Variants in STK3 observed in about 807,000 individuals in gnomAD.
STK3 encodes the protein serine/threonine-protein kinase 3.
A neutral mutation model predicts 58.0 loss-of-function variants in STK3; 41 were observed. The ratio of observed to expected loss-of-function variants is 0.71; its 90% CI spans 0.55 to 0.92. STK3 has a LOEUF of 0.92. Ranked by LOEUF, STK3 falls within the 40% of genes least tolerant of loss-of-function variation. STK3 has a pLI of 0.00. For missense variants in STK3, 479 were observed against 602.7 expected (o/e 0.79, Z 2.15); for synonymous variants, 170 against 191.0 (o/e 0.89, Z 0.91).
intron 6 of STK3, among the ~76,000 whole-genome samples, chr8:98,617,056 T>C (rs1164037708): frequency 2.0e-5 from 3 of 151,358 alleles, no homozygotes; most frequent in Non-Finnish European, 4.4e-5. Context: ...GACCACATAG[T>C]TGGAAGTAAA....
chr8:98,756,416 A>C (rs967849211), intron 3 of STK3, among the ~76,000 whole-genome samples: 5 of 152,236 alleles, frequency 3.3e-5, no homozygotes, highest in Non-Finnish European at 7.3e-5. Context: ...ACAGTAGAAC[A>C]TAATGGAGTT....
intron 4 of STK3, among the ~76,000 whole-genome samples, chr8:98,710,751 C>T (rs144296380): frequency 5.7e-4 from 87 of 152,362 alleles, no homozygotes; most frequent in African/African-American, 2.0e-3. Context: ...GAAACGTCTG[C>T]AGACTTAAAT....
intron 3 of STK3, among the ~76,000 whole-genome samples, chr8:98,395,031 G>A (rs1176182858): frequency 1.3e-5 from 2 of 152,224 alleles, no homozygotes; most frequent in Non-Finnish European, 2.9e-5. Flanking sequence ...AAGCCACAGG[G>A]TGGTGGTGTC....
chr8:98,404,470 G>T (rs1817974241), intron 3 of STK3, among the ~76,000 whole-genome samples: 2 of 152,224 alleles, frequency 1.3e-5, no homozygotes, highest in Non-Finnish European at 2.9e-5. Context: ...CACGAGGTCA[G>T]GAGATCGAGA....
At chr8:98,891,492 T>C (rs967712402) in intron 1 of STK3, among the ~76,000 whole-genome samples, 1 of 152,176 alleles carries the variant, frequency 6.6e-6, no homozygotes, top group Non-Finnish European at 1.5e-5. Context: ...TGTATAACAT[T>C]TAAATATCCA....
chr8:98,588,765 A>G (rs1183331975), intron 7 of STK3, among the ~76,000 whole-genome samples: 1 of 151,662 alleles, frequency 6.6e-6, no homozygotes, highest in Non-Finnish European at 1.5e-5. Flanking sequence ...CTTTTCACAT[A>G]GTCCCATATT....
chr8:98,707,302 C>A lies in STK3; in HGVS notation c.361G>T (p.Asp121Tyr). Residue 121 changes from aspartate (D) to tyrosine (Y), a missense_variant, in exon 5 of 11, where the codon GAT (aspartate) becomes TAT (tyrosine). Coordinates refer to ENST00000419617, the MANE Select transcript of STK3 (RefSeq NM_006281.4). The stretch of plus-strand genomic sequence containing the variant: ...GATTTAAGAATGGTTGCAATTTCAT[C>A]TTCTATTAACTGGAAAGAAATATTT... Reference protein sequence around the residue: ...IRLRNKTLIEDEIATILKSTL... With the variant: ...IRLRNKTLIEYEIATILKSTL... The A allele has an allele frequency of 6.6e-7, 1 of 1,517,910 alleles. No homozygotes were observed. The highest frequency in any genetic ancestry group is 8.8e-7 in the Non-Finnish European group (1 of 1,130,692). 94.0% of individuals were successfully genotyped at this position (1,517,910 alleles called of 1,614,324 possible).
intron 3 of STK3, among the ~76,000 whole-genome samples, chr8:98,418,180 G>C (rs1249514760): frequency 6.6e-6 from 1 of 152,214 alleles, no homozygotes; most frequent in Non-Finnish European, 1.5e-5. Flanking sequence ...CCAAAGTGCT[G>C]AGATTACAGG....
At chr8:98,589,972 G>C (rs1486900476) in intron 7 of STK3, among the ~76,000 whole-genome samples, 1 of 152,104 alleles carries the variant, frequency 6.6e-6, no homozygotes, top group Non-Finnish European at 1.5e-5. Context: ...CACGGTGCAC[G>C]CACCCACTGA....
At chr8:98,508,234 G>GGAAACAC (rs1824241451) in intron 10 of STK3, among the ~76,000 whole-genome samples, 8 of 152,096 alleles carry the variant, frequency 5.3e-5, no homozygotes, top group Admixed American at 5.2e-4. Context: ...CAGACTTCAA[G>GGAAACAC]TTTTTATCTA....
At chr8:98,688,348 G>GC (rs1824159884) in intron 6 of STK3, among the ~76,000 whole-genome samples, 1 of 152,088 alleles carries the variant, frequency 6.6e-6, no homozygotes, top group South Asian at 2.1e-4. Flanking sequence ...CCCACTGACA[G>GC]CATTAGACTG....
At chr8:98,909,508 A>G (rs1410976788) in intron 1 of STK3, among the ~76,000 whole-genome samples, 1 of 152,152 alleles carries the variant, frequency 6.6e-6, no homozygotes, top group Non-Finnish European at 1.5e-5. Flanking sequence ...CCACCTCCTT[A>G]TCTACCCATC....
intron 3 of STK3, among the ~76,000 whole-genome samples, chr8:98,836,617 T>C (rs950626804): frequency 6.6e-6 from 1 of 152,264 alleles, no homozygotes; most frequent in African/African-American, 2.4e-5. Context: ...TATTAAACTT[T>C]TCCTGTTCAA....
intron 4 of STK3, among the ~76,000 whole-genome samples, chr8:98,710,895 G>A (rs1563917750): frequency 1.3e-5 from 2 of 152,282 alleles, no homozygotes; most frequent in Middle Eastern, 3.4e-3. Context: ...CCCCAAGTAG[G>A]GGCAGACTGA....
In STK3 at chr8:98,698,635, C is replaced by G. The variant is rs566278759; in HGVS notation, c.684+7832G>C. On this transcript the variant is annotated intron_variant, in intron 6 of 10. Transcript: ENST00000419617. Reference sequence around the variant, plus strand: ...CCTTCACTTATGAAGCTTAGTTTGGCTGGATATGAAATTCTGGGTTGAAAA... The same window carrying G: ...CCTTCACTTATGAAGCTTAGTTTGGGTGGATATGAAATTCTGGGTTGAAAA... 5.4e-3 allele frequency among the ~76,000 whole-genome samples: 829 copies of G among 152,270 alleles called. 9 individuals are homozygous for G. Among genetic ancestry groups the G allele is most frequent in the African/African-American group, 0.019 (800 of 41,520 alleles).
chr8:98,597,893 A>G (rs1204483782), intron 6 of STK3: 2 of 985,266 alleles, frequency 2.0e-6, no homozygotes, highest in East Asian at 2.3e-4. Flanking sequence ...TCTGCCTGCA[A>G]ATAACCTAAT....
intron 4 of STK3, among the ~76,000 whole-genome samples, chr8:98,712,716 A>G (rs1468981307): frequency 6.6e-6 from 1 of 152,130 alleles, no homozygotes; most frequent in Non-Finnish European, 1.5e-5. Context: ...TCAACATTAG[A>G]CAGATCAACA....
intron 8 of STK3, among the ~76,000 whole-genome samples, chr8:98,557,931 C>A (rs1811726306): frequency 6.6e-6 from 1 of 152,002 alleles, no homozygotes; most frequent in African/African-American, 2.4e-5. Flanking sequence ...GGCATGTGGG[C>A]AGGACTTCAG....
At chr8:98,517,470 C>A (rs889699665) in intron 10 of STK3, among the ~76,000 whole-genome samples, 1 of 151,868 alleles carries the variant, frequency 6.6e-6, no homozygotes, top group Non-Finnish European at 1.5e-5. Context: ...ATATGATAGG[C>A]CCCCAAACAA....
Sources: gnomAD v4.1 joint callset for allele counts (sites outside exome capture counted in the v4.1 genomes callset) on GRCh38, gnomAD v4.1.1 for gene constraint, MANE v1.5 for transcripts, NCBI Gene and HGNC (gene_info 2026-07-23, HGNC 2026-07-21) for gene names.